Variants in TMEM132B observed in about 807,000 individuals in gnomAD.
TMEM132B encodes transmembrane protein 132B.
In TMEM132B, 18 loss-of-function variants were observed where a neutral mutation model predicts 90.8. The observed-to-expected ratio is 0.20, with a 90% CI of 0.14 to 0.29. The LOEUF (loss-of-function observed/expected upper bound fraction) is 0.29, where lower values mean the gene tolerates loss of function less well. TMEM132B is among the 10% of genes least tolerant of loss of function. The probability of loss-of-function intolerance (pLI) is 1.00; values close to 1 mark genes in which losing one functional copy is unlikely to be tolerated. For missense variants in TMEM132B, 1,096 were observed against 1,326.8 expected (o/e 0.83, Z 2.70); for synonymous variants, 504 against 523.3 (o/e 0.96, Z 0.50).
intron 3 of TMEM132B, among the ~76,000 whole-genome samples, chr12:125,461,194 C>T (rs553683430): frequency 6.6e-5 from 10 of 152,296 alleles, no homozygotes; most frequent in South Asian, 6.2e-4. Context: ...CTTCTTTAGG[C>T]GGGGCTATGA....
chr12:125,474,244 T>C (rs1357816289), intron 3 of TMEM132B, among the ~76,000 whole-genome samples: 3 of 151,166 alleles, frequency 2.0e-5, no homozygotes, highest in Non-Finnish European at 4.4e-5. Flanking sequence ...TTCTCTTTTC[T>C]CTCTCCCTTC....
chr12:125,534,449 C>G (rs776055523), intron 4 of TMEM132B, among the ~76,000 whole-genome samples: 1 of 152,076 alleles, frequency 6.6e-6, no homozygotes. Flanking sequence ...CCCAGGAGGT[C>G]GAGGCTGCAG....
intron 1 of TMEM132B, among the ~76,000 whole-genome samples, chr12:125,266,236 C>T (rs1477541335): frequency 6.6e-6 from 1 of 151,978 alleles, no homozygotes; most frequent in Non-Finnish European, 1.5e-5. Flanking sequence ...AAAGAAAAAC[C>T]CAAAATTAAA....
At chr12:125,321,172 G>A (rs762166954) in intron 1 of TMEM132B, among the ~76,000 whole-genome samples, 1 of 152,232 alleles carries the variant, frequency 6.6e-6, no homozygotes, top group Non-Finnish European at 1.5e-5. Context: ...AGAAGTGGTA[G>A]ATTTTTCTGA....
chr12:125,203,319 A>G (rs985248319), intron 1 of TMEM132B, among the ~76,000 whole-genome samples: 1 of 152,196 alleles, frequency 6.6e-6, no homozygotes, highest in Admixed American at 6.5e-5. Flanking sequence ...GCTGAATGTC[A>G]AAGACAAAAA....
rs532103512 is a variant in TMEM132B at position 125,603,644 on chromosome 12, T to C, written c.1437+19650T>C. Among the ~76,000 whole-genome samples, 328 of 152,282 alleles carry C rather than the reference T, an allele frequency of 2.2e-3. 1 individual carries two copies. Among genetic ancestry groups the C allele is most frequent in the African/African-American group, 7.4e-3 (309 of 41,544 alleles). On this transcript the variant is annotated intron_variant, in intron 5 of 8. Coordinates refer to ENST00000682704, the MANE Select transcript of TMEM132B (RefSeq NM_001366854.1). ...AGAGCTTCTTCACAGCGAAAGAAAC[T>C]ATCATCAGAGTGAACAGGCAACCTA...
chr12:125,568,914 G>A (rs538433790), intron 4 of TMEM132B, among the ~76,000 whole-genome samples: 8 of 152,252 alleles, frequency 5.3e-5, no homozygotes, highest in African/African-American at 1.9e-4. Flanking sequence ...CTCTGACCTC[G>A]ATGACCACAG....
chr12:125,534,213 G>C (rs1883731164), intron 4 of TMEM132B, among the ~76,000 whole-genome samples: 1 of 152,290 alleles, frequency 6.6e-6, no homozygotes, highest in South Asian at 2.1e-4. Flanking sequence ...AGGAATACTG[G>C]TTTTTTAAAA....
intron 1 of TMEM132B, among the ~76,000 whole-genome samples, chr12:125,238,388 C>CAAAAAAAAAAAAA (rs1259157470): frequency 9.5e-6 from 1 of 105,220 alleles, no homozygotes; most frequent in Non-Finnish European, 2.0e-5. Flanking sequence ...AAAAAAAAAC[C>CAAAAAAAAAAAAA]AAAAAAACAA....
intron 1 of TMEM132B, among the ~76,000 whole-genome samples, chr12:125,250,402 T>C: frequency 6.6e-6 from 1 of 152,334 alleles, no homozygotes; most frequent in East Asian, 1.9e-4. Flanking sequence ...TTCTCCAGAT[T>C]CTTTGACGCC....
At chr12:125,333,405 G>C (rs1341810209) in intron 1 of TMEM132B, among the ~76,000 whole-genome samples, 1 of 152,142 alleles carries the variant, frequency 6.6e-6, no homozygotes, top group Non-Finnish European at 1.5e-5. Flanking sequence ...TATCTTTTTG[G>C]GGGGACATTA....
chr12:125,450,966 T>G (rs927152047), intron 3 of TMEM132B, among the ~76,000 whole-genome samples: 5 of 152,074 alleles, frequency 3.3e-5, no homozygotes, highest in African/African-American at 1.2e-4. Context: ...AGAGATCTAT[T>G]TTTTAAAAGG....
At chr12:125,332,901 C>T (rs959595173) in intron 1 of TMEM132B, among the ~76,000 whole-genome samples, 4 of 152,070 alleles carry the variant, frequency 2.6e-5, no homozygotes, top group Non-Finnish European at 5.9e-5. Context: ...ATTCTCTGAG[C>T]GATTTCGGAT....
intron 1 of TMEM132B, among the ~76,000 whole-genome samples, chr12:125,328,587 C>T (rs1170403058): frequency 6.6e-6 from 1 of 152,190 alleles, no homozygotes; most frequent in Non-Finnish European, 1.5e-5. Context: ...CCCCATCACT[C>T]CAGTCTCTCA....
chr12:125,343,091 G>A (rs1331671034), intron 1 of TMEM132B, among the ~76,000 whole-genome samples: 1 of 152,076 alleles, frequency 6.6e-6, no homozygotes, highest in East Asian at 1.9e-4. Flanking sequence ...AGCAAACTGG[G>A]AATTTACAGC....
At chr12:125,613,303 C>A (rs1885907485) in intron 5 of TMEM132B, among the ~76,000 whole-genome samples, 1 of 145,596 alleles carries the variant, frequency 6.9e-6, no homozygotes, top group Admixed American at 7.2e-5. Flanking sequence ...GTGTAGTAAT[C>A]ACATCAGAGT....
chr12:125,484,579 T>C (rs918926920), intron 3 of TMEM132B, among the ~76,000 whole-genome samples: 5 of 152,262 alleles, frequency 3.3e-5, no homozygotes, highest in Middle Eastern at 3.4e-3. Flanking sequence ...ATTTGTTATG[T>C]AACCCAGACT....
chr12:125,304,226 G>A (rs1183222226), intron 1 of TMEM132B, among the ~76,000 whole-genome samples: 7 of 152,186 alleles, frequency 4.6e-5, no homozygotes, highest in Admixed American at 6.5e-5. Flanking sequence ...GGGGAGCGGC[G>A]GTAAACACAG....
intron 1 of TMEM132B, among the ~76,000 whole-genome samples, chr12:125,217,917 G>A (rs1418593266): frequency 6.6e-6 from 1 of 152,242 alleles, no homozygotes; most frequent in Non-Finnish European, 1.5e-5. Context: ...CGTAAGAGGA[G>A]AGATTTGAGG....
Sources: allele counts gnomAD v4.1 joint callset (sites outside exome capture counted in the v4.1 genomes callset), GRCh38; gene constraint gnomAD v4.1.1; transcripts MANE v1.5; gene names NCBI Gene and HGNC (gene_info 2026-07-23, HGNC 2026-07-21).